POLR3B: variants seen among roughly 807,000 people sequenced by gnomAD.
POLR3B encodes the protein RNA polymerase III subunit B, also known as DNA-directed RNA polymerase III subunit RPC2.
In POLR3B, 96 loss-of-function variants were observed where a neutral mutation model predicts 147.4. The observed-to-expected ratio is 0.65, with a 90% confidence interval of 0.55 to 0.77. The LOEUF (loss-of-function observed/expected upper bound fraction) is 0.77. POLR3B is among the 30% of genes least tolerant of loss of function. POLR3B has a pLI of 0.00. For missense variants in POLR3B, 1,036 were observed against 1,413.5 expected, an observed-to-expected ratio of 0.73 and a Z score of 4.28; for synonymous variants, 461 against 485.9, an observed-to-expected ratio of 0.95 and a Z score of 0.67.
At chr12:106,432,550 C>G in intron 15 of POLR3B, 70 bp downstream of exon 15, 1 of 1,273,262 alleles carries the variant, frequency 7.9e-7, no homozygotes, top group Non-Finnish European at 1.1e-6. Flanking sequence ...CATTATTATC[C>G]TGGTATTTAA....
chr12:106,433,746 A>T lies in POLR3B; in HGVS notation c.1655A>T (p.His552Leu). 1.2e-6 allele frequency: 2 copies of T among 1,613,684 alleles called. No homozygotes were observed. The highest frequency in any genetic ancestry group is 2.2e-5 in the South Asian group (2 of 91,072). The change falls in exon 16 of 28, where the codon CAC becomes CTC. Residue 552 changes from histidine to leucine, a missense_variant. This residue lies in a region of POLR3B where 177 missense variants were observed against 232.7 expected (regional missense o/e 0.76). Transcript: ENST00000228347. ...NGNILGVIRD[H>L]KKLVNTFRLM... is the part of the protein sequence containing the mutation. ...AACATCTTAGGTGTCATTCGAGACC[A>T]CAAAAAGCTAGTGAATACATTTCGA...
chr12:106,496,659 T>C lies in POLR3B; in HGVS notation c.2818-93T>C, dbSNP rs1322222587. On this transcript the variant is annotated intron_variant, in intron 24 of 27. Coordinates refer to ENST00000228347, the MANE Select transcript of POLR3B (RefSeq NM_018082.6). ...TCTATTAATTTATTACTGTTATTAA[T>C]AGTGGTCGTGGGGAAATGAGCTGGA... is the stretch of plus-strand genomic sequence containing the variant. 12 of 1,064,462 alleles carry C rather than the reference T, an allele frequency of 1.1e-5. No homozygotes were observed. In the African/African-American group the frequency reaches 1.9e-4, roughly 17 times the overall value. The allele number at this position is 1,064,462 out of a possible 1,614,324, so 65.9% of individuals were successfully genotyped here. A position where few individuals can be genotyped will look rare whatever the true frequency, so the allele number is the denominator to read the frequency against.
intron 12 of POLR3B, among the ~76,000 whole-genome samples, chr12:106,424,046 G>A (rs941813996): frequency 2.7e-4 from 41 of 151,990 alleles, no homozygotes; most frequent in Admixed American, 1.7e-3. Context: ...TAGTAGAGAT[G>A]GGGTTTCACC....
chr12:106,393,273 A>G, intron 10 of POLR3B, 120 bp downstream of exon 10: 1 of 1,389,506 alleles, frequency 7.2e-7, no homozygotes, highest in Non-Finnish European at 1.0e-6. Context: ...GGTATTGGGG[A>G]GATATGGGAG....
At chr12:106,437,481 C>T (rs1160084387) in intron 17 of POLR3B, among the ~76,000 whole-genome samples, 200 bp from the exon 18 acceptor site, 6 of 152,104 alleles carry the variant, frequency 3.9e-5, no homozygotes, top group Non-Finnish European at 5.9e-5. Flanking sequence ...TACAGACAGA[C>T]ACTTTGCTGT....
At chr12:106,363,626 C>T (rs2036496272) in intron 1 of POLR3B, among the ~76,000 whole-genome samples, 1 of 152,180 alleles carries the variant, frequency 6.6e-6, no homozygotes, top group Admixed American at 6.5e-5. Context: ...TTGAAAAGTG[C>T]TTAAAATCTT....
chr12:106,407,270 C>T (rs1302594492), intron 11 of POLR3B, among the ~76,000 whole-genome samples: 8 of 152,196 alleles, frequency 5.3e-5, no homozygotes, highest in African/African-American at 1.9e-4. Context: ...TGGTTTCTTA[C>T]ATCCTAACTG....
chr12:106,358,318 A>G (rs1424937931), intron 1 of POLR3B: 6 of 1,094,832 alleles, frequency 5.5e-6, no homozygotes, highest in African/African-American at 3.3e-5. Context: ...AGCTCAGGCC[A>G]TTTGCATGAG....
rs1168102394 is a variant in POLR3B at position 106,369,419 on chromosome 12, T to A, written c.303+69T>A. 3 of 1,011,068 alleles carry A rather than the reference T, an allele frequency of 3.0e-6. No individual in the cohort carries two copies. In the East Asian group the frequency reaches 7.1e-5, roughly 24 times the overall value. The allele number at this position is 1,011,068 out of a possible 1,614,324, so 62.6% of individuals were successfully genotyped here. ...CAGAGTCTGCCCTTAATATATACTCTTAAAAGATCATTTAAAAATGGGATG... is the reference window on the plus strand; with the variant it reads ...CAGAGTCTGCCCTTAATATATACTCATAAAAGATCATTTAAAAATGGGATG... On this transcript the variant is annotated intron_variant, in intron 5 of 27. Coordinates refer to ENST00000228347, the MANE Select transcript of POLR3B (RefSeq NM_018082.6).
chr12:106,475,363 T>C (rs201575955), intron 23 of POLR3B, among the ~76,000 whole-genome samples: 19,622 of 87,606 alleles, frequency 0.22, 4,624 homozygotes, highest in East Asian at 0.69. Context: ...GTGGAGAGTT[T>C]TGTAGATGTC....
intron 9 of POLR3B, among the ~76,000 whole-genome samples, chr12:106,387,614 T>C (rs2036858630): frequency 6.6e-6 from 1 of 152,206 alleles, no homozygotes; most frequent in Non-Finnish European, 1.5e-5. Context: ...TCTCCCACAA[T>C]AGGTATGTTT....
chr12:106,369,935 C>A (rs1565874517), intron 6 of POLR3B, among the ~76,000 whole-genome samples: 1 of 151,990 alleles, frequency 6.6e-6, no homozygotes. Context: ...TGCTAGGGAA[C>A]CACTAGATAC....
At chr12:106,429,627 T>C (rs990833409) in intron 13 of POLR3B, among the ~76,000 whole-genome samples, 1 of 152,150 alleles carries the variant, frequency 6.6e-6, no homozygotes. Context: ...GTAAATTTAA[T>C]GTTCAAGGTT....
At chr12:106,497,618 A>G (rs889799148) in intron 25 of POLR3B, among the ~76,000 whole-genome samples, 5 of 152,228 alleles carry the variant, frequency 3.3e-5, no homozygotes, top group Non-Finnish European at 7.3e-5. Context: ...AGAATAATAA[A>G]TGCTTTGACA....
chr12:106,372,638 G>A (rs1041140955), intron 6 of POLR3B, among the ~76,000 whole-genome samples: 1 of 152,028 alleles, frequency 6.6e-6, no homozygotes, highest in Non-Finnish European at 1.5e-5. Context: ...ACCATGCGTG[G>A]CCAATATCCA....
At chr12:106,477,891 CTTTTTT>C (rs34915594) in intron 23 of POLR3B, among the ~76,000 whole-genome samples, 989 of 70,564 alleles carry the variant, frequency 0.014, 39 homozygotes, top group Middle Eastern at 0.029. Flanking sequence ...GGCTCCTCCC[CTTTTTT>C]TTTTTTTTTT....
At chr12:106,385,530 G>A (rs547273612) in intron 9 of POLR3B, among the ~76,000 whole-genome samples, 7 of 152,286 alleles carry the variant, frequency 4.6e-5, no homozygotes, top group African/African-American at 1.4e-4. Context: ...TCGTTGAAAC[G>A]GAAAAGCATT....
At chr12:106,463,413 A>G (rs2037965697) in intron 22 of POLR3B, 65 bp from the exon 23 acceptor site, 2 of 1,398,060 alleles carry the variant, frequency 1.4e-6, no homozygotes, top group Admixed American at 1.7e-5. Context: ...GAAATATAAC[A>G]TGGGTGAGAA....
chr12:106,433,933 A>T (rs2037543158), intron 16 of POLR3B, 61 bp downstream of exon 16: 2 of 1,368,614 alleles, frequency 1.5e-6, no homozygotes. Flanking sequence ...CTCTTGAAAG[A>T]AATAGACTTG....
Sources: allele counts gnomAD v4.1 joint callset (sites outside exome capture counted in the v4.1 genomes callset), GRCh38; gene constraint gnomAD v4.1.1; regional missense constraint gnomAD v4.1.1; transcripts MANE v1.5; gene names NCBI Gene and HGNC (gene_info 2026-07-23, HGNC 2026-07-21).